The following MYO3B variants were observed in gnomAD, a reference collection of about 807,000 sequenced individuals.
MYO3B encodes the protein myosin-IIIb.
Under a neutral mutation model 174.6 loss-of-function variants are expected in MYO3B, and 156 were observed. That is an observed-to-expected ratio of 0.89 (90% CI 0.78 to 1.02). The LOEUF (loss-of-function observed/expected upper bound fraction) is 1.02, where lower values mean the gene tolerates loss of function less well. MYO3B is among the 50% of genes least tolerant of loss of function. MYO3B has a pLI of 0.00. For missense variants in MYO3B, 1,632 were observed against 1,639.4 expected (o/e 1.00, Z 0.08); for synonymous variants, 563 against 569.1 (o/e 0.99, Z 0.15).
chr2:170,602,942 C>T (rs1192392077), intron 32 of MYO3B, among the ~76,000 whole-genome samples: 1 of 152,050 alleles, frequency 6.6e-6, no homozygotes, highest in Non-Finnish European at 1.5e-5. Context: ...GGTGCATGTG[C>T]GTGTAGTCCC....
At chr2:170,490,320 A>G (rs955458509) in intron 25 of MYO3B, among the ~76,000 whole-genome samples, 4 of 152,036 alleles carry the variant, frequency 2.6e-5, no homozygotes, top group Non-Finnish European at 4.4e-5. Context: ...GAGCCACCGC[A>G]CCCGGCCTCA....
chr2:170,214,896 T>G, intron 5 of MYO3B, 68 bp downstream of exon 5: 2 of 1,209,316 alleles, frequency 1.7e-6, no homozygotes, highest in South Asian at 1.2e-5. Flanking sequence ...TTTATTGCAA[T>G]CTCAGAAGAC....
chr2:170,215,696 T>G (rs1177262327), intron 5 of MYO3B, among the ~76,000 whole-genome samples: 1 of 152,228 alleles, frequency 6.6e-6, no homozygotes, highest in South Asian at 2.1e-4. Context: ...CTATTTTTAC[T>G]GAAACACAAG....
At chr2:170,539,626 T>TA (rs1326654606) in intron 30 of MYO3B, among the ~76,000 whole-genome samples, 18 of 140,928 alleles carry the variant, frequency 1.3e-4, no homozygotes, top group African/African-American at 4.9e-4. Flanking sequence ...TTTATTTATT[T>TA]TTTTTTTTTT....
In MYO3B at chr2:170,327,885, T is replaced by C. The variant is rs199600098; in HGVS notation, c.750-7500T>C. ...CATATATATATATATACACTATATATAGTATATATATATAATGTATAAATA... is the reference window on the plus strand; with the variant it reads ...CATATATATATATATACACTATATACAGTATATATATATAATGTATAAATA... On this transcript the variant is annotated intron_variant, in intron 7 of 34. Transcript: ENST00000408978. 7.0e-3 allele frequency among the ~76,000 whole-genome samples: 708 copies of C among 101,456 alleles called. 10 individuals carry two copies. The highest frequency in any genetic ancestry group is 0.068 in the East Asian group (189 of 2,794). The allele number at this position is 101,456 out of a possible 152,430, so 66.6% of individuals were successfully genotyped here.
At chr2:170,356,951 A>C (rs1558919835) in intron 8 of MYO3B, among the ~76,000 whole-genome samples, 2 of 151,618 alleles carry the variant, frequency 1.3e-5, no homozygotes, top group African/African-American at 4.8e-5. Context: ...CTGATTTAAA[A>C]ACAATATTTT....
intron 22 of MYO3B, among the ~76,000 whole-genome samples, chr2:170,421,501 G>A (rs1033553224): frequency 1.2e-4 from 18 of 152,190 alleles, no homozygotes; most frequent in Non-Finnish European, 1.8e-4. Context: ...CTCTTGGAAC[G>A]TGGCTGCCCC....
intron 32 of MYO3B, among the ~76,000 whole-genome samples, chr2:170,615,719 G>A (rs1012610817): frequency 7.9e-5 from 12 of 152,322 alleles, no homozygotes; most frequent in Middle Eastern, 3.4e-3. Flanking sequence ...GTTCCCAGGT[G>A]TATTGGCAGG....
intron 8 of MYO3B, among the ~76,000 whole-genome samples, chr2:170,346,986 T>G (rs1346538606): frequency 2.0e-5 from 3 of 152,222 alleles, no homozygotes; most frequent in Non-Finnish European, 4.4e-5. Flanking sequence ...TTTTTAATTA[T>G]GACCAAGTTC....
At chr2:170,332,029 T>G (rs4668241) in intron 7 of MYO3B, 78,250 of 152,056 alleles carry the variant, frequency 0.51, 21,565 homozygotes, top group East Asian at 0.66. Context: ...TAAAGTCCCT[T>G]TGCCATATGA....
chr2:170,564,480 A>T (rs1442667807), intron 32 of MYO3B, among the ~76,000 whole-genome samples: 1 of 152,188 alleles, frequency 6.6e-6, no homozygotes, highest in Non-Finnish European at 1.5e-5. Flanking sequence ...CTCAAAAAGT[A>T]AATAAATAAA....
chr2:170,441,436 G>C (rs924040900), intron 22 of MYO3B, among the ~76,000 whole-genome samples: 1 of 152,236 alleles, frequency 6.6e-6, no homozygotes, highest in South Asian at 2.1e-4. Flanking sequence ...GATCCCAAGA[G>C]AGGGTTCCTG....
chr2:170,622,682 C>T (rs995994686), intron 32 of MYO3B, among the ~76,000 whole-genome samples: 1 of 151,940 alleles, frequency 6.6e-6, no homozygotes, highest in African/African-American at 2.4e-5. Context: ...ATTAACTCAT[C>T]ATTTACATTA....
chr2:170,359,874 G>A (rs1028801672), intron 8 of MYO3B, among the ~76,000 whole-genome samples: 14 of 152,182 alleles, frequency 9.2e-5, no homozygotes, highest in Admixed American at 8.5e-4. Context: ...GAAAGCAAAT[G>A]TCTCATTCCA....
chr2:170,437,075 T>A (rs575422972), intron 22 of MYO3B, among the ~76,000 whole-genome samples: 3 of 152,312 alleles, frequency 2.0e-5, no homozygotes, highest in Admixed American at 2.0e-4. Context: ...CAGGTGGTAC[T>A]GTTTTCTTAT....
At chr2:170,370,772 TCTC>T (rs2094236591) in intron 9 of MYO3B, among the ~76,000 whole-genome samples, 1 of 152,018 alleles carries the variant, frequency 6.6e-6, no homozygotes, top group East Asian at 1.9e-4. Context: ...AAATCCAGCA[TCTC>T]CTCCTTGTCT....
At chr2:170,459,013 C>T (rs894682816) in intron 23 of MYO3B, among the ~76,000 whole-genome samples, 6 of 152,132 alleles carry the variant, frequency 3.9e-5, no homozygotes, top group South Asian at 2.1e-4. Flanking sequence ...TCCTCCCGTC[C>T]GGAGTTGTTC....
At chr2:170,536,920 G>T (rs1218662360) in intron 30 of MYO3B, among the ~76,000 whole-genome samples, 1 of 151,956 alleles carries the variant, frequency 6.6e-6, no homozygotes, top group African/African-American at 2.4e-5. Context: ...TGCTGGTCTC[G>T]GCTGGGCGTG....
chr2:170,550,954 G>A (rs550602415), intron 32 of MYO3B, among the ~76,000 whole-genome samples: 14 of 152,126 alleles, frequency 9.2e-5, no homozygotes, highest in South Asian at 2.1e-4. Context: ...GCTGCAGTGC[G>A]GTGGCATGAT....
Sources: allele counts gnomAD v4.1 joint callset (sites outside exome capture counted in the v4.1 genomes callset), GRCh38; gene constraint gnomAD v4.1.1; transcripts MANE v1.5; gene names NCBI Gene and HGNC (gene_info 2026-07-23, HGNC 2026-07-21).